Variants in ATAD2B observed in about 807,000 individuals in gnomAD.
ATAD2B encodes the protein ATPase family AAA domain-containing protein 2B.
Under a neutral mutation model 167.6 loss-of-function variants are expected in ATAD2B, and 40 were observed. The ratio of observed to expected loss-of-function variants is 0.24; its 90% confidence interval spans 0.19 to 0.31. ATAD2B has a LOEUF of 0.31. Among genes scored for constraint, ATAD2B ranks in the 10% least tolerant of loss-of-function variants. The pLI, the probability that ATAD2B is intolerant of heterozygous loss-of-function variation, is 1.00. For missense variants in ATAD2B, 1,242 were observed against 1,757.2 expected (o/e 0.71, Z 5.24); for synonymous variants, 579 against 596.5 (o/e 0.97, Z 0.43).
intron 18 of ATAD2B, among the ~76,000 whole-genome samples, chr2:23,798,963 C>T (rs1341338676): frequency 2.0e-5 from 3 of 152,102 alleles, no homozygotes; most frequent in Admixed American, 1.3e-4. Context: ...TCAGAAAATA[C>T]AGAATGAATT....
At chr2:23,820,118 A>C (rs1341625518) in intron 16 of ATAD2B, among the ~76,000 whole-genome samples, 3 of 152,002 alleles carry the variant, frequency 2.0e-5, no homozygotes, top group African/African-American at 7.2e-5. Context: ...ATTTGGAAGA[A>C]CTCACTGACT....
intron 14 of ATAD2B, among the ~76,000 whole-genome samples, chr2:23,831,650 A>C (rs1689095828): frequency 2.0e-5 from 3 of 152,138 alleles, no homozygotes; most frequent in African/African-American, 7.2e-5. Flanking sequence ...CCCACATCCT[A>C]ATCACCAAAG....
chr2:23,700,039 T>C, the ATAD2B span, among the ~76,000 whole-genome samples: 2 of 152,190 alleles, frequency 1.3e-5, no homozygotes, highest in Admixed American at 6.5e-5. The surrounding 1 kb of genome is among the most constrained non-coding windows in gnomAD (Gnocchi z 4.6). Flanking sequence ...ACTTCCTCTC[T>C]CCTGTGCAAA....
chr2:23,725,042 C>CAA, the ATAD2B span, among the ~76,000 whole-genome samples: 287 of 71,574 alleles, frequency 4.0e-3, 3 homozygotes, highest in Non-Finnish European at 4.7e-3. Context: ...GACTCTGTCT[C>CAA]AAAAAAAAAA....
chr2:23,917,805 T>A (rs1011654975), intron 1 of ATAD2B, among the ~76,000 whole-genome samples: 1 of 151,684 alleles, frequency 6.6e-6, no homozygotes, highest in Non-Finnish European at 1.5e-5. Context: ...ACGCCTATAA[T>A]CCCAGCACTT....
intron 1 of ATAD2B, among the ~76,000 whole-genome samples, chr2:23,920,988 T>A (rs1487759402): frequency 1.3e-5 from 2 of 152,052 alleles, no homozygotes; most frequent in Non-Finnish European, 2.9e-5. Flanking sequence ...GCGGGTCGCC[T>A]GAGGTCAGGA....
chr2:23,777,387 T>TATCTATATCTA (rs1188404356), intron 22 of ATAD2B, among the ~76,000 whole-genome samples: 13 of 151,944 alleles, frequency 8.6e-5, no homozygotes, highest in African/African-American at 2.9e-4. Flanking sequence ...TCTATATCTA[T>TATCTATATCTA]ATCTTGGTCT....
At chr2:23,911,653 G>C (rs1175573315) in intron 1 of ATAD2B, among the ~76,000 whole-genome samples, 7 of 152,022 alleles carry the variant, frequency 4.6e-5, no homozygotes, top group African/African-American at 1.4e-4. Context: ...CAAGTCTTAA[G>C]AACAATCACA....
chr2:23,797,991 C>A (rs1350110374), intron 19 of ATAD2B, 147 bp downstream of exon 19: 2 of 478,212 alleles, frequency 4.2e-6, no homozygotes, highest in Non-Finnish European at 7.3e-6. Context: ...AATAACTTAC[C>A]TACATCATAC....
intron 1 of ATAD2B, among the ~76,000 whole-genome samples, chr2:23,908,560 C>A (rs1464287280): frequency 2.9e-4 from 44 of 152,038 alleles, no homozygotes; most frequent in Middle Eastern, 3.2e-3. Flanking sequence ...TAGTTCAACC[C>A]TTGTGGAAGT....
chr2:23,819,709 C>A, intron 17 of ATAD2B, 38 bp downstream of exon 17: 4 of 1,462,364 alleles, frequency 2.7e-6, no homozygotes, highest in African/African-American at 1.4e-5. Context: ...TATCAAAAAT[C>A]ACTCTAAATA....
intron 14 of ATAD2B, among the ~76,000 whole-genome samples, chr2:23,831,384 A>G (rs771440205): frequency 1.3e-5 from 2 of 152,226 alleles, no homozygotes; most frequent in African/African-American, 4.8e-5. Flanking sequence ...TACTTTTATT[A>G]ATCTTTTACT....
intron 6 of ATAD2B, among the ~76,000 whole-genome samples, chr2:23,881,497 G>A (rs2150215778): frequency 2.0e-5 from 3 of 151,394 alleles, no homozygotes; most frequent in Middle Eastern, 6.8e-3. Context: ...GAGTAGCTGG[G>A]ACTACAGGCA....
At chr2:23,836,518 G>A (rs1690002571) in intron 13 of ATAD2B, among the ~76,000 whole-genome samples, 1 of 152,188 alleles carries the variant, frequency 6.6e-6, no homozygotes. Flanking sequence ...CCATCTGACA[G>A]GTCCCGAGTT....
intron 25 of ATAD2B, chr2:23,755,042 A>G (rs2149301370): frequency 4.2e-6 from 1 of 237,734 alleles, no homozygotes; most frequent in East Asian, 9.6e-5. Flanking sequence ...TAAAAGGAAG[A>G]TAAAAGCAAT....
At chr2:23,916,240 G>A (rs903467356) in intron 1 of ATAD2B, among the ~76,000 whole-genome samples, 3 of 152,038 alleles carry the variant, frequency 2.0e-5, no homozygotes, top group Non-Finnish European at 4.4e-5. Flanking sequence ...TCTTGTCAAG[G>A]GTCAAATTTA....
intron 17 of ATAD2B, among the ~76,000 whole-genome samples, chr2:23,817,466 A>C (rs908255916): frequency 1.3e-5 from 2 of 152,240 alleles, no homozygotes; most frequent in African/African-American, 4.8e-5. Flanking sequence ...CATAATGAAA[A>C]GGACAGCAAA....
the ATAD2B span, among the ~76,000 whole-genome samples, chr2:23,701,403 T>C: frequency 6.6e-6 from 1 of 152,188 alleles, no homozygotes; most frequent in Non-Finnish European, 1.5e-5. Context: ...TTTGATCACA[T>C]TATTTTCCTG....
At chr2:23,720,578 C>CAA in the ATAD2B span, among the ~76,000 whole-genome samples, 607 of 126,704 alleles carry the variant, frequency 4.8e-3, 11 homozygotes, top group African/African-American at 0.014. Flanking sequence ...GACTCCGTCT[C>CAA]AAAAAAAAAA....
Sources: allele counts gnomAD v4.1 joint callset (sites outside exome capture counted in the v4.1 genomes callset), GRCh38; gene constraint gnomAD v4.1.1; non-coding constraint Gnocchi (gnomAD v3.1); transcripts MANE v1.5; gene names NCBI Gene and HGNC (gene_info 2026-07-23, HGNC 2026-07-21).